The following PCDH11X variants were observed in gnomAD, a reference collection of about 807,000 sequenced individuals.
The protein encoded by PCDH11X is protocadherin 11 X-linked.
In PCDH11X, 18 loss-of-function variants were observed where a neutral mutation model predicts 53.3. That is an observed-to-expected ratio of 0.34 (90% CI 0.23 to 0.50). The LOEUF (loss-of-function observed/expected upper bound fraction) is 0.50. PCDH11X is among the 20% of genes least tolerant of loss of function. The probability of loss-of-function intolerance (pLI) is 0.98; values close to 1 mark genes in which losing one functional copy is unlikely to be tolerated. For synonymous variants in PCDH11X, 279 were observed against 393.3 expected (o/e 0.71, Z 3.44); for missense variants, 570 against 1,032.4 (o/e 0.55, Z 6.14).
At chrX:92,157,870 CAATT>C (rs2065566658) in intron 6 of PCDH11X, among the ~76,000 whole-genome samples, 1 of 111,588 alleles carries the variant, frequency 9.0e-6, no homozygotes, top group Non-Finnish European at 1.9e-5. Context: ...TGGAAAAAAT[CAATT>C]ATATGTTGAA....
chrX:92,276,069 C>A (rs1215292831), intron 8 of PCDH11X, among the ~76,000 whole-genome samples: 2 of 109,581 alleles, frequency 1.8e-5, no homozygotes, highest in Non-Finnish European at 3.8e-5. Flanking sequence ...GTGGGGATAA[C>A]TAAAAAAGAG....
chrX:92,107,316 C>T (rs181949046), intron 6 of PCDH11X, among the ~76,000 whole-genome samples: 3 of 112,170 alleles, frequency 2.7e-5, no homozygotes, highest in African/African-American at 9.7e-5. Context: ...TGTCCTTAAC[C>T]TTGGCAAAAT....
chrX:91,905,754 G>A (rs949106180), intron 6 of PCDH11X, among the ~76,000 whole-genome samples: 1 of 110,634 alleles, frequency 9.0e-6, no homozygotes, highest in Admixed American at 9.7e-5. Flanking sequence ...GGTATGAAAT[G>A]ACACATCAAC....
chrX:91,914,865 C>T (rs1419055120), intron 6 of PCDH11X, among the ~76,000 whole-genome samples: 1 of 111,418 alleles, frequency 9.0e-6, no homozygotes, highest in Non-Finnish European at 1.9e-5. Context: ...TGCTAGAGGT[C>T]TAGACATCCA....
intron 6 of PCDH11X, among the ~76,000 whole-genome samples, chrX:91,999,615 A>G (rs1288274154): frequency 1.2e-5 from 1 of 85,743 alleles, no homozygotes; most frequent in Non-Finnish European, 2.2e-5. Context: ...TAGAGTCAGT[A>G]GAGCTTTATA....
In PCDH11X at chrX:92,278,806, G is replaced by GTTTTTTTTTTTTTTTTTTTTTTTTT. The variant is rs35000823; in HGVS notation, c.3144+15685_3144+15686insTTTTTTTTTTTTTTTTTTTTTTTTT. Among the ~76,000 whole-genome samples the GTTTTTTTTTTTTTTTTTTTTTTTTT allele has an allele frequency of 1.1e-4, 5 of 47,398 alleles. 1 individual carries two copies. The highest frequency in any genetic ancestry group is 6.2e-4 in the East Asian group (1 of 1,611). 41.2% of individuals were successfully genotyped at this position (47,398 alleles called of 115,157 possible). On this transcript the variant is annotated intron_variant, in intron 8 of 10. Coordinates refer to ENST00000682573, the MANE Select transcript of PCDH11X (RefSeq NM_032968.5). ...TCAGAGGCCTGACAGTCTCTTTTCA[G>GTTTTTTTTTTTTTTTTTTTTTTTTT]TTTTTTTTTTTTTTTTTTTTTTGAG...
intron 5 of PCDH11X, among the ~76,000 whole-genome samples, chrX:91,855,242 T>C (rs746865503): frequency 1.8e-5 from 2 of 111,870 alleles, no homozygotes; most frequent in Non-Finnish European, 1.9e-5. Context: ...CAGCACCATT[T>C]ATTGAAGAGA....
intron 6 of PCDH11X, among the ~76,000 whole-genome samples, chrX:92,068,712 G>C (rs1349310673): frequency 8.2e-5 from 9 of 109,194 alleles, no homozygotes; most frequent in Admixed American, 4.0e-4. Flanking sequence ...GCTGATTTTT[G>C]TATTTTTAGT....
chrX:91,969,919 G>A (rs976026338), intron 6 of PCDH11X, among the ~76,000 whole-genome samples: 2 of 110,814 alleles, frequency 1.8e-5, no homozygotes, highest in Non-Finnish European at 3.8e-5. Context: ...TATGTGACTT[G>A]GGTAATTTAT....
chrX:92,176,738 T>A (rs1459083742), intron 6 of PCDH11X, among the ~76,000 whole-genome samples: 1 of 110,839 alleles, frequency 9.0e-6, no homozygotes, highest in Non-Finnish European at 1.9e-5. Flanking sequence ...AGATAATTTA[T>A]TTTATGTTGG....
At chrX:92,385,148 C>T (rs2070984558) in intron 8 of PCDH11X, among the ~76,000 whole-genome samples, 1 of 81,072 alleles carries the variant, frequency 1.2e-5, no homozygotes, top group Admixed American at 1.2e-4. Flanking sequence ...TTTTATGAAA[C>T]TCTGCTTTTG....
chrX:92,096,734 A>G (rs1299744107), intron 6 of PCDH11X, among the ~76,000 whole-genome samples: 1 of 110,462 alleles, frequency 9.1e-6, no homozygotes, highest in Non-Finnish European at 1.9e-5. Context: ...CATGAGACTT[A>G]TTAAGTACCA....
At chrX:92,052,199 G>T (rs973958182) in intron 6 of PCDH11X, among the ~76,000 whole-genome samples, 3 of 111,509 alleles carry the variant, frequency 2.7e-5, no homozygotes, top group African/African-American at 9.8e-5. Context: ...TTGAAATTTA[G>T]ATGCCTTATG....
intron 10 of PCDH11X, among the ~76,000 whole-genome samples, chrX:92,550,711 C>G (rs1455983256): frequency 2.7e-5 from 3 of 109,195 alleles, no homozygotes; most frequent in Non-Finnish European, 5.7e-5. Flanking sequence ...CACTCATTAA[C>G]CATCCCCATC....
chrX:91,876,186 G>T (rs1939606453), intron 5 of PCDH11X, among the ~76,000 whole-genome samples: 1 of 110,904 alleles, frequency 9.0e-6, no homozygotes, highest in Admixed American at 9.7e-5. Context: ...GCATAAGAAT[G>T]ATACGATGGA....
intron 1 of PCDH11X, among the ~76,000 whole-genome samples, chrX:91,785,166 C>T (rs1007098434): frequency 1.7e-4 from 18 of 104,039 alleles, no homozygotes; most frequent in African/African-American, 6.4e-4. Context: ...ATGGGTAATT[C>T]CTTTTATATT....
intron 5 of PCDH11X, among the ~76,000 whole-genome samples, chrX:91,849,808 C>T (rs1937903647): frequency 1.0e-5 from 1 of 99,414 alleles, no homozygotes; most frequent in African/African-American, 3.7e-5. Flanking sequence ...GTACATTTAG[C>T]ATAATATGTA....
At position 92,618,258 on chromosome X, in the gene PCDH11X, C is replaced by A; in HGVS notation, c.3368-6C>A. The A allele has an allele frequency of 8.4e-7, 1 of 1,196,411 alleles. No individual in the cohort carries two copies. The highest frequency in any genetic ancestry group is 1.1e-6 in the Non-Finnish European group (1 of 887,462). Reference sequence around the variant, plus strand: ...AATTTTATTATTTTTTTCCTCACCCCAACAGCTGCAGAAATAACTGTTCAA... The same window carrying A: ...AATTTTATTATTTTTTTCCTCACCCAAACAGCTGCAGAAATAACTGTTCAA... On this transcript the variant is annotated splice_region_variant and splice_polypyrimidine_tract_variant and intron_variant, in intron 10 of 10. Transcript: ENST00000682573.
intron 6 of PCDH11X, among the ~76,000 whole-genome samples, chrX:92,107,645 G>C (rs764426163): frequency 8.9e-6 from 1 of 112,480 alleles, no homozygotes; most frequent in South Asian, 3.7e-4. Flanking sequence ...GCTGAGGCAG[G>C]AGAATCGCTT....
Sources: allele counts gnomAD v4.1 joint callset (sites outside exome capture counted in the v4.1 genomes callset), GRCh38; gene constraint gnomAD v4.1.1; transcripts MANE v1.5; gene names NCBI Gene and HGNC (gene_info 2026-07-23, HGNC 2026-07-21).